Variants in IL1RAPL2 observed in about 807,000 individuals in gnomAD.
IL1RAPL2 encodes X-linked interleukin-1 receptor accessory protein-like 2.
In IL1RAPL2, 3 loss-of-function variants were observed where a neutral mutation model predicts 44.1. The ratio of observed to expected loss-of-function variants is 0.07; its 90% CI spans 0.03 to 0.18. The LOEUF (loss-of-function observed/expected upper bound fraction) is 0.18. IL1RAPL2 is among the 10% of genes least tolerant of loss of function. The probability of loss-of-function intolerance (pLI) is 1.00; values close to 1 mark genes in which losing one functional copy is unlikely to be tolerated. For synonymous variants in IL1RAPL2, 181 were observed against 178.8 expected, an observed-to-expected ratio of 1.01 and a Z score of -0.10; for missense variants, 391 against 496.4, an observed-to-expected ratio of 0.79 and a Z score of 2.02.
At chrX:105,357,668 A>G (rs1200299139) in intron 5 of IL1RAPL2, among the ~76,000 whole-genome samples, 1 of 110,528 alleles carries the variant, frequency 9.0e-6, no homozygotes, top group Non-Finnish European at 1.9e-5. Context: ...AAAAATCAGG[A>G]CAGGCTAAAA....
chrX:105,267,286 G>C (rs1243390687), intron 4 of IL1RAPL2, 102 bp from the exon 5 acceptor site: 3 of 734,647 alleles, frequency 4.1e-6, no homozygotes, highest in Non-Finnish European at 4.0e-6. Context: ...TTTTGAAAAC[G>C]AAAGAGAATA....
At chrX:104,731,162 G>A (rs1484958463) in intron 2 of IL1RAPL2, among the ~76,000 whole-genome samples, 1 of 110,208 alleles carries the variant, frequency 9.1e-6, no homozygotes, top group Non-Finnish European at 1.9e-5. Context: ...CTCCCATTTT[G>A]TAGGTTGTCT....
intron 5 of IL1RAPL2, among the ~76,000 whole-genome samples, chrX:105,321,112 G>A (rs1257253965): frequency 1.8e-5 from 2 of 111,522 alleles, no homozygotes; most frequent in Non-Finnish European, 3.8e-5. Flanking sequence ...GGGGTGTAGA[G>A]GAGTGTTGGA....
chrX:104,613,983 GT>G (rs1244668175), intron 1 of IL1RAPL2, among the ~76,000 whole-genome samples: 2 of 110,034 alleles, frequency 1.8e-5, no homozygotes, highest in African/African-American at 6.6e-5. Context: ...GTGCATAGAG[GT>G]TTTTCATAAT....
chrX:104,678,681 A>G (rs1392115908), intron 2 of IL1RAPL2, among the ~76,000 whole-genome samples: 1 of 111,931 alleles, frequency 8.9e-6, no homozygotes, highest in Admixed American at 9.5e-5. Context: ...CAACTTGGCC[A>G]AAGCTGTTGC....
chrX:104,653,759 T>C (rs1386945343), intron 1 of IL1RAPL2, among the ~76,000 whole-genome samples: 1 of 111,504 alleles, frequency 9.0e-6, no homozygotes, highest in Admixed American at 9.5e-5. Context: ...TCTATACCTT[T>C]AGGTACGAAC....
At chrX:105,139,096 A>G (rs1200413277) in intron 2 of IL1RAPL2, among the ~76,000 whole-genome samples, 1 of 111,972 alleles carries the variant, frequency 8.9e-6, no homozygotes, top group Non-Finnish European at 1.9e-5. Flanking sequence ...TTGGAAAGGA[A>G]CTATAGAGCA....
At chrX:105,581,655 C>T (rs912054858) in intron 6 of IL1RAPL2, among the ~76,000 whole-genome samples, 6 of 111,134 alleles carry the variant, frequency 5.4e-5, no homozygotes, top group African/African-American at 2.0e-4. Context: ...TTTCAAACTA[C>T]ATCTCTGCTA....
At chrX:104,627,331 T>C (rs1293774642) in intron 1 of IL1RAPL2, among the ~76,000 whole-genome samples, 3 of 59,841 alleles carry the variant, frequency 5.0e-5, no homozygotes, top group Non-Finnish European at 8.6e-5. Context: ...CGGGGCCTGT[T>C]GTGGGGTGGG....
At chrX:105,465,357 T>C (rs1480929011) in intron 5 of IL1RAPL2, among the ~76,000 whole-genome samples, 1 of 112,098 alleles carries the variant, frequency 8.9e-6, no homozygotes, top group East Asian at 2.8e-4. Flanking sequence ...GAACTTAGTA[T>C]CAAGAATCTC....
chrX:104,582,626 T>TTCTTTCTTTCTTTCTTTCTC (rs1569487471), intron 1 of IL1RAPL2, among the ~76,000 whole-genome samples: 2 of 63,976 alleles, frequency 3.1e-5, no homozygotes, highest in Non-Finnish European at 6.0e-5. Context: ...CTTTCTTTCT[T>TTCTTTCTTTCTTTCTTTCTC]TCTTTCTTTC....
At chrX:104,606,285 A>G (rs1929008256) in intron 1 of IL1RAPL2, among the ~76,000 whole-genome samples, 1 of 111,471 alleles carries the variant, frequency 9.0e-6, no homozygotes, top group Admixed American at 9.6e-5. Context: ...CATGCTAAAA[A>G]CTCTCAATAA....
chrX:104,827,336 T>C (rs1439827117), intron 2 of IL1RAPL2, among the ~76,000 whole-genome samples: 6 of 111,376 alleles, frequency 5.4e-5, no homozygotes, highest in Non-Finnish European at 1.1e-4. Context: ...ACAAAATCCC[T>C]CAGCAATTGC....
At chrX:104,583,362 AC>A (rs768794522) in intron 1 of IL1RAPL2, among the ~76,000 whole-genome samples, 26 of 111,714 alleles carry the variant, frequency 2.3e-4, no homozygotes, top group African/African-American at 7.8e-4. Context: ...TCAAAAAGGA[AC>A]CCAATACCAA....
At chrX:105,241,779 A>G (rs183167507) in intron 4 of IL1RAPL2, among the ~76,000 whole-genome samples, 19 of 111,875 alleles carry the variant, frequency 1.7e-4, no homozygotes, top group Admixed American at 1.5e-3. Flanking sequence ...ATTTTTCACA[A>G]TCTTCCACAA....
chrX:104,637,963 G>A (rs757066988), intron 1 of IL1RAPL2, among the ~76,000 whole-genome samples: 2 of 111,203 alleles, frequency 1.8e-5, no homozygotes, highest in Non-Finnish European at 3.8e-5. Flanking sequence ...TAGAAGTTTG[G>A]TAGAACTTGG....
At chrX:104,676,843 A>C (rs1043723747) in intron 2 of IL1RAPL2, among the ~76,000 whole-genome samples, 1 of 110,797 alleles carries the variant, frequency 9.0e-6, no homozygotes, top group African/African-American at 3.3e-5. Context: ...TCTTCATTTC[A>C]TTCATTTTAT....
intron 5 of IL1RAPL2, among the ~76,000 whole-genome samples, chrX:105,364,426 A>G (rs1430647910): frequency 9.0e-6 from 1 of 110,498 alleles, no homozygotes; most frequent in Non-Finnish European, 1.9e-5. Flanking sequence ...TTCCATATGA[A>G]TTTTAGGATT....
intron 1 of IL1RAPL2, among the ~76,000 whole-genome samples, chrX:104,627,647 C>A (rs1432331620): frequency 9.0e-6 from 1 of 110,608 alleles, no homozygotes; most frequent in Non-Finnish European, 1.9e-5. Flanking sequence ...GAAAAAGGAC[C>A]CCCTCCCCAC....
Sources: allele counts gnomAD v4.1 joint callset (sites outside exome capture counted in the v4.1 genomes callset), GRCh38; gene constraint gnomAD v4.1.1; transcripts MANE v1.5; gene names NCBI Gene and HGNC (gene_info 2026-07-23, HGNC 2026-07-21).